Variants in PCDHGB1 observed in about 807,000 individuals in gnomAD.
PCDHGB1 encodes protocadherin gamma subfamily B, 1.
A neutral mutation model predicts 56.6 loss-of-function variants in PCDHGB1; 34 were observed. That is an observed-to-expected ratio of 0.60 (90% CI 0.46 to 0.80). PCDHGB1 has a LOEUF of 0.80. Ranked by LOEUF, PCDHGB1 falls within the 30% of genes least tolerant of loss-of-function variation. The probability of loss-of-function intolerance (pLI) is 0.00; values close to 1 mark genes in which losing one functional copy is unlikely to be tolerated. For missense variants in PCDHGB1, 1,278 were observed against 1,204.6 expected, an observed-to-expected ratio of 1.06 and a Z score of -0.90; for synonymous variants, 561 against 505.9, an observed-to-expected ratio of 1.11 and a Z score of -1.46.
At position 141,422,923 on chromosome 5, in the gene PCDHGB1, C is replaced by T. The variant is rs188787674; in HGVS notation, c.2409+70254C>T. The T allele has an allele frequency of 1.6e-5, 26 of 1,614,252 alleles. No homozygotes were observed. In the East Asian group the frequency reaches 2.5e-4, roughly 15 times the overall value. On this transcript the variant is annotated intron_variant, in intron 1 of 3. Coordinates refer to ENST00000523390, the MANE Select transcript of PCDHGB1 (RefSeq NM_018922.3). ...CGACAATGCGCCCGAGATCCTGTAC[C>T]CTGCCCTCCCCACAGACGGCTCCAC...
At chr5:141,356,435 G>A (rs762543172) in intron 1 of PCDHGB1, 2 of 1,610,734 alleles carry the variant, frequency 1.2e-6, no homozygotes, top group Non-Finnish European at 1.7e-6. Context: ...ACACTGGACA[G>A]GGAAGAAGTC....
At chr5:141,484,135 A>G (rs181630887) in intron 1 of PCDHGB1, among the ~76,000 whole-genome samples, 6 of 152,270 alleles carry the variant, frequency 3.9e-5, no homozygotes, top group Admixed American at 1.3e-4. Flanking sequence ...GTGTCAGATA[A>G]AGGGAATTTG....
intron 1 of PCDHGB1, chr5:141,427,054 C>T (rs1235803553): frequency 4.4e-6 from 2 of 457,580 alleles, no homozygotes; most frequent in Admixed American, 4.7e-5. Context: ...CCCCCAGGCA[C>T]CTCTGTACTA....
chr5:141,490,833 G>C lies in PCDHGB1; in HGVS notation c.2410-3974G>C, dbSNP rs781529579. ...ACTATGAATTGCTGCAGATGCTGCA[G>C]ATTGTGGTGGGGGTTCGAGACTCCG... On this transcript the variant is annotated intron_variant, in intron 1 of 3. Coordinates refer to ENST00000523390, the MANE Select transcript of PCDHGB1 (RefSeq NM_018922.3). This position sits in a 1 kb window ranked among gnomAD's most constrained non-coding sequence, Gnocchi z 5.4. The C allele has an allele frequency of 6.2e-7, 1 of 1,613,932 alleles. No homozygotes were observed. Among genetic ancestry groups the C allele is most frequent in the East Asian group, 2.2e-5 (1 of 44,884 alleles).
chr5:141,467,572 G>A (rs1351985954), intron 1 of PCDHGB1, among the ~76,000 whole-genome samples: 1 of 152,184 alleles, frequency 6.6e-6, no homozygotes, highest in African/African-American at 2.4e-5. Flanking sequence ...TGGCTATCCA[G>A]TTGTCCCAAT....
Position 141,491,140 on chromosome 5 carries a change from T to A in PCDHGB1, c.2410-3667T>A, listed in dbSNP as rs1392575961. On this transcript the variant is annotated intron_variant, in intron 1 of 3. Coordinates refer to ENST00000523390, the MANE Select transcript of PCDHGB1 (RefSeq NM_018922.3). This position sits in a 1 kb window ranked among gnomAD's most constrained non-coding sequence, Gnocchi z 6.9. ...TGGTGAGGTGCGCACAGCCCGGGCC[T>A]TACTGGAGGATGACTCTGACACCCA... 2 of 1,614,110 alleles carry A rather than the reference T, an allele frequency of 1.2e-6. No individual in the cohort carries two copies. Among genetic ancestry groups the A allele is most frequent in the Non-Finnish European group, 1.7e-6 (2 of 1,179,992 alleles).
Position 141,432,909 on chromosome 5 carries a change from G to A in PCDHGB1, c.2410-61898G>A, listed in dbSNP as rs773372764. On this transcript the variant is annotated intron_variant, in intron 1 of 3. Coordinates refer to ENST00000523390, the MANE Select transcript of PCDHGB1 (RefSeq NM_018922.3). The surrounding 1 kb of genome is among the most constrained non-coding windows in gnomAD (Gnocchi z 6.0). ...ATCTTGCTGCTGGCGCTCAGGCTGCGGCGCTGGCACAAGTCACGCCTGCTG... is the reference window on the plus strand; with the variant it reads ...ATCTTGCTGCTGGCGCTCAGGCTGCAGCGCTGGCACAAGTCACGCCTGCTG... 9 of 1,614,038 alleles carry A rather than the reference G, an allele frequency of 5.6e-6. No homozygotes were observed. The highest frequency in any genetic ancestry group is 4.5e-5 in the East Asian group (2 of 44,880).
chr5:141,491,742 C>T lies in PCDHGB1; in HGVS notation c.2410-3065C>T. On this transcript the variant is annotated intron_variant, in intron 1 of 3. Transcript: ENST00000523390. This position sits in a 1 kb window ranked among gnomAD's most constrained non-coding sequence, Gnocchi z 6.9. ...CGCCCCGGGCGACCCCTGGGGGCGG[C>T]ACTGGAGAAGCCGCCCGTCCTCATA... 6.3e-7 allele frequency: 1 copy of T among 1,596,114 alleles called. No individual in the cohort carries two copies. Among genetic ancestry groups the T allele is most frequent in the African/African-American group, 1.3e-5 (1 of 74,260 alleles).
In PCDHGB1 at chr5:141,485,610, C is replaced by A; in HGVS notation, c.2410-9197C>A. ...CTGGACTTGGAAATTGGGGAGGCAGCTCCTCCAGGACAGCGTTTCCCGTTG... is the reference window on the plus strand; with the variant it reads ...CTGGACTTGGAAATTGGGGAGGCAGATCCTCCAGGACAGCGTTTCCCGTTG... On this transcript the variant is annotated intron_variant, in intron 1 of 3. Coordinates refer to ENST00000523390, the MANE Select transcript of PCDHGB1 (RefSeq NM_018922.3). This position sits in a 1 kb window ranked among gnomAD's most constrained non-coding sequence, Gnocchi z 5.7. The A allele has an allele frequency of 1.2e-6, 2 of 1,612,076 alleles. No individual in the cohort carries two copies. The highest frequency in any genetic ancestry group is 1.7e-6 in the Non-Finnish European group (2 of 1,178,616).
intron 1 of PCDHGB1, chr5:141,388,882 T>C (rs1038312572): frequency 6.2e-7 from 1 of 1,613,800 alleles, no homozygotes; most frequent in Non-Finnish European, 8.5e-7. Context: ...ACAGTGGAGG[T>C]AGAAGTCATA....
intron 1 of PCDHGB1, chr5:141,419,534 G>C: frequency 6.2e-7 from 1 of 1,612,078 alleles, no homozygotes; most frequent in African/African-American, 1.3e-5. Context: ...TAACGACAAC[G>C]CACCGCGGGT....
In PCDHGB1 at chr5:141,431,370, A is replaced by G; in HGVS notation, c.2410-63437A>G. ...CTGAAACGCGCCCTGGACCGCGAAG[A>G]AAAGGCTGCTCACCACCTGGTCCTT... is the stretch of plus-strand genomic sequence containing the variant. On this transcript the variant is annotated intron_variant, in intron 1 of 3. Coordinates refer to ENST00000523390, the MANE Select transcript of PCDHGB1 (RefSeq NM_018922.3). The surrounding 1 kb of genome is among the most constrained non-coding windows in gnomAD (Gnocchi z 4.8). 1 of 1,613,946 alleles carries G rather than the reference A, an allele frequency of 6.2e-7. No homozygotes were observed. The highest frequency in any genetic ancestry group is 8.5e-7 in the Non-Finnish European group (1 of 1,180,014).
chr5:141,403,571 G>T (rs778030830), intron 1 of PCDHGB1: 2 of 1,613,904 alleles, frequency 1.2e-6, no homozygotes, highest in South Asian at 1.1e-5. Flanking sequence ...GGAGGCAACT[G>T]CCCACCACCT....
chr5:141,362,701 T>G (rs1762639464), intron 1 of PCDHGB1: 1 of 1,035,142 alleles, frequency 9.7e-7, no homozygotes, highest in African/African-American at 1.6e-5. Flanking sequence ...TAACTGAATT[T>G]TAAGTGTTTT....
At chr5:141,389,811 G>A in intron 1 of PCDHGB1, 1 of 1,613,822 alleles carries the variant, frequency 6.2e-7, no homozygotes, top group Non-Finnish European at 8.5e-7. Flanking sequence ...CCTTCTGGTC[G>A]CCGTGCGTGA....
In PCDHGB1 at chr5:141,418,027, T is replaced by C. The variant is rs536104184; in HGVS notation, c.2409+65358T>C. On this transcript the variant is annotated intron_variant, in intron 1 of 3. Coordinates refer to ENST00000523390, the MANE Select transcript of PCDHGB1 (RefSeq NM_018922.3). ...GGAACCTCGCTAAGGATCTAGGGCT[T>C]AGTGTCCTGGATGTGTCGGCTCGCG... is the stretch of plus-strand genomic sequence containing the variant. 144 of 1,613,732 alleles carry C rather than the reference T, an allele frequency of 8.9e-5. No homozygotes were observed. The East Asian group carries it at 1.2e-3, about 14-fold the overall frequency.
chr5:141,376,688 T>G (rs959333255), intron 1 of PCDHGB1: 5 of 824,852 alleles, frequency 6.1e-6, no homozygotes, highest in Non-Finnish European at 9.0e-6. Context: ...TTTTTTTTTT[T>G]TTTTTTTTTG....
rs1759049490 is a variant in PCDHGB1 at position 141,352,574 on chromosome 5, C to T, written c.2314C>T (p.Pro772Ser). ...NSLNLTPEMA[P>S]PQDLLCDDPS... ...TCTCAACCTGACACCGGAAATGGCT[C>T]CCCCTCAGGATCTGCTGTGTGATGA... Residue 772 changes from proline (P) to serine (S), a missense_variant, in exon 1 of 4, where the codon CCC becomes TCC. Pro to Ser is a moderately conservative substitution (Grantham distance 74, BLOSUM62 -1). Transcript: ENST00000523390. 6.2e-7 allele frequency: 1 copy of T among 1,613,842 alleles called. No individual in the cohort carries two copies. The highest frequency in any genetic ancestry group is 8.5e-7 in the Non-Finnish European group (1 of 1,179,846).
At chr5:141,408,373 T>C in intron 1 of PCDHGB1, 1 of 1,613,952 alleles carries the variant, frequency 6.2e-7, no homozygotes, top group Non-Finnish European at 8.5e-7. Flanking sequence ...TAGGGCTCAG[T>C]GTCCTGGATG....
Sources: gnomAD v4.1 joint callset for allele counts (sites outside exome capture counted in the v4.1 genomes callset) on GRCh38, gnomAD v4.1.1 for gene constraint, Gnocchi (gnomAD v3.1) non-coding constraint, MANE v1.5 for transcripts, NCBI Gene and HGNC (gene_info 2026-07-23, HGNC 2026-07-21) for gene names.